The following SNURF variants were observed in gnomAD, a reference collection of about 807,000 sequenced individuals.
The protein encoded by SNURF is SNRPN upstream open reading frame, also known as SNURF protein.
SNURF carries 6 observed loss-of-function variants against 11.6 expected under a neutral mutation model. The ratio of observed to expected loss-of-function variants is 0.52; its 90% CI spans 0.28 to 1.02. The LOEUF (loss-of-function observed/expected upper bound fraction) is 1.02, where lower values mean the gene tolerates loss of function less well. SNURF is among the 50% of genes least tolerant of loss of function. The probability of loss-of-function intolerance (pLI) is 0.09; values close to 1 mark genes in which losing one functional copy is unlikely to be tolerated. For missense variants in SNURF, 84 were observed against 88.4 expected, an observed-to-expected ratio of 0.95 and a Z score of 0.20; for synonymous variants, 29 against 31.6, an observed-to-expected ratio of 0.92 and a Z score of 0.27.
chr15:24,972,772 A>G (rs747401811), downstream of SNURF, among the ~76,000 whole-genome samples: 1 of 146,158 alleles, frequency 6.8e-6, no homozygotes, highest in Non-Finnish European at 1.5e-5. Context: ...AACATTATGC[A>G]TGCTTGATTA....
intron 1 of SNURF, among the ~76,000 whole-genome samples, chr15:24,961,705 C>T (rs991130592): frequency 2.0e-5 from 3 of 151,892 alleles, no homozygotes; most frequent in African/African-American, 7.3e-5. Context: ...ATAAGTATGT[C>T]TACTGTATCC....
downstream of SNURF, chr15:24,978,263 G>A (rs1221130626): frequency 6.2e-7 from 1 of 1,613,916 alleles, no homozygotes; most frequent in African/African-American, 1.3e-5. Context: ...CTGCTCGAGG[G>A]ACGCCAATAG....
At chr15:24,973,708 G>C (rs539117736), downstream of SNURF, among the ~76,000 whole-genome samples, 1 of 152,228 alleles carries the variant, frequency 6.6e-6, no homozygotes, top group African/African-American at 2.4e-5. Flanking sequence ...CCGTTAACGT[G>C]ATTTATAACT....
chr15:24,971,538 GAT>G (rs1005122050), downstream of SNURF, among the ~76,000 whole-genome samples: 8 of 150,988 alleles, frequency 5.3e-5, no homozygotes, highest in Non-Finnish European at 1.0e-4. Flanking sequence ...ATTATATTAT[GAT>G]ATATATATAA....
chr15:24,965,451 C>T lies in SNURF; in HGVS notation c.111-2481C>T, dbSNP rs184866274. Reference sequence around the variant, plus strand: ...ACTCAGGAGGCTGAGGTGGAAGAATCGCTTGAACCTGGGAGGCAAAGGTTG... The same window carrying T: ...ACTCAGGAGGCTGAGGTGGAAGAATTGCTTGAACCTGGGAGGCAAAGGTTG... On this transcript the variant is annotated intron_variant, in intron 2 of 2. Transcript: ENST00000577949. Among the ~76,000 whole-genome samples the T allele has an allele frequency of 1.1e-3, 163 of 152,280 alleles. 2 individuals are homozygous for T. Among genetic ancestry groups the T allele is most frequent in the African/African-American group, 3.5e-3 (145 of 41,564 alleles).
At chr15:24,955,679 T>C (rs2062725511) in intron 1 of SNURF, among the ~76,000 whole-genome samples, 1 of 57,846 alleles carries the variant, frequency 1.7e-5, no homozygotes, top group Admixed American at 2.1e-4. Flanking sequence ...GGTGTGACAG[T>C]GGTGGGGGTT....
intron 2 of SNURF, among the ~76,000 whole-genome samples, chr15:24,966,349 A>C (rs565781034): frequency 6.6e-6 from 1 of 152,150 alleles, no homozygotes; most frequent in Non-Finnish European, 1.5e-5. Context: ...TCCCACACAA[A>C]TCTTCCCTGT....
rs1388415585 is a variant in SNURF at position 24,955,017 on chromosome 15, A to G, written c.-32A>G. 4 of 1,612,276 alleles carry G rather than the reference A, an allele frequency of 2.5e-6. No individual in the cohort carries two copies. The Admixed American group carries it at 6.7e-5, about 27-fold the overall frequency. ...GTGGAGCGGCCGCCGGAGATGCCTG[A>G]CGCATCTGTCTGAGGAGCGGTCAGT... On this transcript the variant is annotated 5_prime_UTR_variant, in exon 1 of 3. Transcript: ENST00000577949.
At chr15:24,960,769 G>T (rs755848477) in intron 1 of SNURF, among the ~76,000 whole-genome samples, 7 of 152,088 alleles carry the variant, frequency 4.6e-5, no homozygotes, top group Non-Finnish European at 7.4e-5. Flanking sequence ...ACATATTCTG[G>T]ATACCAAACT....
chr15:24,957,780 A>G (rs1330674897), intron 1 of SNURF, among the ~76,000 whole-genome samples: 1 of 151,830 alleles, frequency 6.6e-6, no homozygotes, highest in Admixed American at 6.6e-5. Flanking sequence ...ACATACATAT[A>G]TTTCTTGGTT....
intron 3 of SNURF, chr15:24,974,220 G>A (rs989152387): frequency 2.0e-5 from 11 of 547,884 alleles, no homozygotes; most frequent in Non-Finnish European, 3.0e-5. Context: ...GTTTTTGAAC[G>A]TGTCTGTCAT....
downstream of SNURF, among the ~76,000 whole-genome samples, chr15:24,971,406 G>A (rs779421199): frequency 4.0e-4 from 61 of 152,060 alleles, no homozygotes; most frequent in Non-Finnish European, 7.5e-4. Flanking sequence ...TCACATTTAG[G>A]GATGAGAGAG....
At chr15:24,964,827 G>T (rs1255767954) in intron 2 of SNURF, among the ~76,000 whole-genome samples, 2 of 152,094 alleles carry the variant, frequency 1.3e-5, no homozygotes, top group Non-Finnish European at 2.9e-5. Flanking sequence ...TCCTCATCTT[G>T]TTGTGGGATG....
Position 24,974,535 on chromosome 15 carries a change from C to G in SNURF, c.*46-823C>G, listed in dbSNP as rs1466136537. Reference sequence around the variant, plus strand: ...ATAGTTTGCCAGCATGTGCAGTGATCTTGGGTTCTGAATGTTAGAAATAAG... The same window carrying G: ...ATAGTTTGCCAGCATGTGCAGTGATGTTGGGTTCTGAATGTTAGAAATAAG... On this transcript the variant is annotated intron_variant and NMD_transcript_variant, in intron 3 of 6. Coordinates refer to the SNURF transcript ENST00000580062. The G allele has an allele frequency of 3.0e-6, 4 of 1,348,062 alleles. No individual in the cohort carries two copies. In the African/African-American group the frequency reaches 5.8e-5, roughly 19 times the overall value. 83.5% of individuals were successfully genotyped at this position (1,348,062 alleles called of 1,614,324 possible). A position where few individuals can be genotyped will look rare whatever the true frequency, so the allele number is the denominator to read the frequency against.
chr15:24,976,101 A>G (rs1347195499), intron 4 of SNURF, among the ~76,000 whole-genome samples: 1 of 152,224 alleles, frequency 6.6e-6, no homozygotes, highest in African/African-American at 2.4e-5. Flanking sequence ...TCTGTAAAAG[A>G]CTAAAGTTAG....
At chr15:24,974,154 G>C (rs1012288762) in intron 3 of SNURF, 6 of 401,404 alleles carry the variant, frequency 1.5e-5, no homozygotes, top group Non-Finnish European at 2.7e-5. Context: ...TTAAGAATGA[G>C]GGACTAGGGA....
chr15:24,960,547 C>T, intron 1 of SNURF, among the ~76,000 whole-genome samples: 1 of 152,112 alleles, frequency 6.6e-6, no homozygotes. Flanking sequence ...AAGCTGGTCT[C>T]CTGAGCTCAA....
chr15:24,967,828 A>AAAG, intron 2 of SNURF, 104 bp from the exon 3 acceptor site: 1 of 819,924 alleles, frequency 1.2e-6, no homozygotes, highest in Non-Finnish European at 1.9e-6. Flanking sequence ...AAAAAAAAAA[A>AAAG]GGAATATCTT....
chr15:24,975,327 C>A, intron 3 of SNURF: 1 of 1,593,266 alleles, frequency 6.3e-7, no homozygotes. Flanking sequence ...TGTTGGCAAG[C>A]TGAACATGAC....
Sources: allele counts gnomAD v4.1 joint callset (sites outside exome capture counted in the v4.1 genomes callset), GRCh38; gene constraint gnomAD v4.1.1; transcripts MANE v1.5; gene names NCBI Gene and HGNC (gene_info 2026-07-23, HGNC 2026-07-21).